NRDE2: variants seen among roughly 807,000 people sequenced by gnomAD.
NRDE2 encodes NRDE-2, necessary for RNA interference, domain containing.
NRDE2 carries 76 observed loss-of-function variants against 124.2 expected under a neutral mutation model. The observed-to-expected ratio is 0.61, with a 90% CI of 0.51 to 0.74. NRDE2 has a LOEUF of 0.74. Among genes scored for constraint, NRDE2 ranks in the 30% least tolerant of loss-of-function variants. NRDE2 has a pLI of 0.00. For synonymous variants in NRDE2, 489 were observed against 528.1 expected, an observed-to-expected ratio of 0.93 and a Z score of 1.01; for missense variants, 1,314 against 1,417.3, an observed-to-expected ratio of 0.93 and a Z score of 1.17.
Position 90,270,583 on chromosome 14 carries a change from G to A in NRDE2, c.*7753C>T. On this transcript the variant is annotated 3_prime_UTR_variant, in exon 14 of 14. Coordinates refer to ENST00000354366, the MANE Select transcript of NRDE2 (RefSeq NM_017970.4). ...CTAAATCACCTGGAGCCACAAGGCT[G>A]AGTCGCTGGTACTAAGCCTTAGGCC... 2.2e-6 allele frequency: 1 copy of A among 450,772 alleles called. No homozygotes were observed. The highest frequency in any genetic ancestry group is 4.3e-5 in the South Asian group (1 of 23,286). The allele number at this position is 450,772 out of a possible 1,614,324, so 27.9% of individuals were successfully genotyped here. A position where few individuals can be genotyped will look rare whatever the true frequency, so the allele number is the denominator to read the frequency against.
chr14:90,268,156 T>TA lies in NRDE2; in HGVS notation c.*10179dup, dbSNP rs1420172060. 1.1e-5 allele frequency: 15 copies of TA among 1,313,448 alleles called. No homozygotes were observed. The highest frequency in any genetic ancestry group is 1.5e-5 in the Non-Finnish European group (15 of 980,648). The allele number at this position is 1,313,448 out of a possible 1,614,324, so 81.4% of individuals were successfully genotyped here. The stretch of plus-strand genomic sequence containing the variant: ...TGGTGTCCATTTAAGGTGGTAATGA[T>TA]ACGAGTTTTTAAGTTAAAATGGCAC... On this transcript the variant is annotated 3_prime_UTR_variant, in exon 14 of 14. Transcript: ENST00000354366.
intron 3 of NRDE2, among the ~76,000 whole-genome samples, chr14:90,315,900 T>G (rs1237894569): frequency 7.2e-6 from 1 of 137,938 alleles, no homozygotes; most frequent in Non-Finnish European, 1.5e-5. Context: ...AAGGTTGTGG[T>G]GAGCTGAGAT....
chr14:90,325,378 A>T (rs1313956600), intron 1 of NRDE2, among the ~76,000 whole-genome samples: 1 of 151,390 alleles, frequency 6.6e-6, no homozygotes. Context: ...GAAAAGCTCC[A>T]GAACTGAAGG....
In NRDE2 at chr14:90,276,035, C is replaced by T. The variant is rs761465100; in HGVS notation, c.*2301G>A. ...CTGTCCCAAACCCGAGGTGGGCCGA[C>T]CCCTGTGGTCTGATGTGATCAGTGA... On this transcript the variant is annotated 3_prime_UTR_variant, in exon 14 of 14. Coordinates refer to ENST00000354366, the MANE Select transcript of NRDE2 (RefSeq NM_017970.4). The T allele has an allele frequency of 1.3e-5, 2 of 152,182 alleles. No homozygotes were observed. Among genetic ancestry groups the T allele is most frequent in the Non-Finnish European group, 2.9e-5 (2 of 68,080 alleles). 9.4% of individuals were successfully genotyped at this position (152,182 alleles called of 1,614,324 possible). A position where few individuals can be genotyped will look rare whatever the true frequency, so the allele number is the denominator to read the frequency against.
chr14:90,316,437 C>T, intron 3 of NRDE2, 141 bp downstream of exon 3: 2 of 623,066 alleles, frequency 3.2e-6, no homozygotes, highest in Non-Finnish European at 5.6e-6. Flanking sequence ...TTCTCCTTCT[C>T]TTTTTTAAGC....
At position 90,271,119 on chromosome 14, in the gene NRDE2, GCA is replaced by G. The variant is rs1337855867; in HGVS notation, c.*7215_*7216del. On this transcript the variant is annotated 3_prime_UTR_variant, in exon 14 of 14. Transcript: ENST00000354366. ...AGCCTTCAAAAAAGTTGCAACAATA[GCA>G]CAGTGATTTGCCAAGAGTTAACATT... 6.6e-6 allele frequency: 1 copy of G among 152,164 alleles called. No individual in the cohort carries two copies. The highest frequency in any genetic ancestry group is 1.5e-5 in the Non-Finnish European group (1 of 68,018). The allele number at this position is 152,164 out of a possible 1,614,324, so 9.4% of individuals were successfully genotyped here.
At position 90,290,533 on chromosome 14, in the gene NRDE2, G is replaced by A; in HGVS notation, c.1917C>T (p.Ala639=). The stretch of plus-strand genomic sequence containing the variant: ...AAGGCACACCCAAGAACTGCAGGAA[G>A]GCCTCCACCAGCTGGAACTGAAGAT... ...SHDLQFQLVE[A]FLQFLGVPSG... is the part of the protein sequence containing the mutation. The change falls in exon 10 of 14, where the codon GCC becomes GCT. Residue 639 remains alanine, a synonymous_variant. Coordinates refer to ENST00000354366, the MANE Select transcript of NRDE2 (RefSeq NM_017970.4). 5.6e-6 allele frequency: 9 copies of A among 1,614,012 alleles called. No individual in the cohort carries two copies. Among genetic ancestry groups the A allele is most frequent in the Non-Finnish European group, 7.6e-6 (9 of 1,179,990 alleles).
chr14:90,298,914 C>T (rs964748954), intron 7 of NRDE2, among the ~76,000 whole-genome samples: 3 of 152,216 alleles, frequency 2.0e-5, no homozygotes, highest in Non-Finnish European at 2.9e-5. Flanking sequence ...AGCTACGTGA[C>T]ACAACCATAT....
In NRDE2 at chr14:90,267,971, A is replaced by G. The variant is rs917074199; in HGVS notation, c.*10365T>C. On this transcript the variant is annotated 3_prime_UTR_variant, in exon 14 of 14. Coordinates refer to ENST00000354366, the MANE Select transcript of NRDE2 (RefSeq NM_017970.4). ...GTCAAGGTTGGAAAATAACCAAGTA[A>G]AAAGTATTTTCTGACGTTATCATAA... 3 of 365,036 alleles carry G rather than the reference A, an allele frequency of 8.2e-6. No homozygotes were observed. Among genetic ancestry groups the G allele is most frequent in the Non-Finnish European group, 1.5e-5 (3 of 204,836 alleles). 22.6% of individuals were successfully genotyped at this position (365,036 alleles called of 1,614,324 possible).
At chr14:90,285,468 AT>A (rs1231661130) in intron 12 of NRDE2, among the ~76,000 whole-genome samples, 3 of 151,534 alleles carry the variant, frequency 2.0e-5, no homozygotes, top group Non-Finnish European at 2.9e-5. Context: ...CACCCAGCTA[AT>A]TTTTGTATTT....
At position 90,298,348 on chromosome 14, in the gene NRDE2, T is replaced by A. The variant is rs1416990528; in HGVS notation, c.1578A>T (p.Gly526=). ...CTCCCTTCTCCCCAGCCCGGGGCTC[T>A]CCACTGTCCCAAAAGGGTTCAAAGA... ...VEFFEPFWDS[G]EPRAGEKGAR... The change falls in exon 8 of 14, where the codon GGA becomes GGT. Residue 526 remains glycine (G), a synonymous_variant. Coordinates refer to ENST00000354366, the MANE Select transcript of NRDE2 (RefSeq NM_017970.4). 1 of 1,613,760 alleles carries A rather than the reference T, an allele frequency of 6.2e-7. No homozygotes were observed. The highest frequency in any genetic ancestry group is 1.7e-5 in the Admixed American group (1 of 60,014).
At chr14:90,312,217 A>C (rs546108289) in intron 4 of NRDE2, among the ~76,000 whole-genome samples, 177 bp downstream of exon 4, 1 of 152,354 alleles carries the variant, frequency 6.6e-6, no homozygotes, top group East Asian at 1.9e-4. Context: ...CTTGACTTCA[A>C]GTGTTAAGCC....
rs531414913 is a variant in NRDE2, at chr14:90,285,460, C to T, written c.3297+894G>A. Among the ~76,000 whole-genome samples the T allele has an allele frequency of 1.1e-3, 160 of 151,662 alleles. 3 individuals are homozygous for T. In the South Asian group the frequency reaches 0.014, roughly 14 times the overall value. ...GGGATTACAGGTGCATACCACCACA[C>T]CCAGCTAATTTTTGTATTTTTAGTA... On this transcript the variant is annotated intron_variant, in intron 12 of 13. Coordinates refer to ENST00000354366, the MANE Select transcript of NRDE2 (RefSeq NM_017970.4).
Position 90,277,983 on chromosome 14 carries a change from G to T in NRDE2, c.*353C>A. 1 of 184,722 alleles carries T rather than the reference G, an allele frequency of 5.4e-6. No individual in the cohort carries two copies. Among genetic ancestry groups the T allele is most frequent in the Non-Finnish European group, 1.2e-5 (1 of 86,768 alleles). The allele number at this position is 184,722 out of a possible 1,614,324, so 11.4% of individuals were successfully genotyped here. ...CTGGCAGGACCACCACGACACCAGC[G>T]GAGGGAACACATTCACCGTGCGGGG... On this transcript the variant is annotated 3_prime_UTR_variant, in exon 14 of 14. Transcript: ENST00000354366.
intron 9 of NRDE2, among the ~76,000 whole-genome samples, chr14:90,292,378 A>G (rs186636241): frequency 1.6e-3 from 239 of 152,330 alleles, no homozygotes; most frequent in Non-Finnish European, 2.0e-3. Flanking sequence ...AGGGCTCCAC[A>G]TGAAAAATTA....
At position 90,277,614 on chromosome 14, in the gene NRDE2, C is replaced by CGGTA. The variant is rs1354537951; in HGVS notation, c.*718_*721dup. ...CTCATGCAGGCAGGGCTGGGGCTGGCGGTACAGCGTGCTCGGCTCCTAGAC... is the reference window on the plus strand; with the variant it reads ...CTCATGCAGGCAGGGCTGGGGCTGGCGGTAGGTACAGCGTGCTCGGCTCCTAGAC... On this transcript the variant is annotated 3_prime_UTR_variant, in exon 14 of 14. Coordinates refer to ENST00000354366, the MANE Select transcript of NRDE2 (RefSeq NM_017970.4). 6.6e-6 allele frequency: 1 copy of CGGTA among 152,372 alleles called. No homozygotes were observed. Among genetic ancestry groups the CGGTA allele is most frequent in the African/African-American group, 2.4e-5 (1 of 41,464 alleles). The allele number at this position is 152,372 out of a possible 1,614,324, so 9.4% of individuals were successfully genotyped here.
intron 2 of NRDE2, 172 bp downstream of exon 2, chr14:90,317,833 G>GAA (rs3215873): frequency 5.3e-3 from 2,569 of 485,014 alleles, no homozygotes; most frequent in South Asian, 7.3e-3. Context: ...GCAAAGCAAA[G>GAA]AAAAAAAAAA....
chr14:90,288,653 T>C lies in NRDE2; in HGVS notation c.2722A>G (p.Lys908Glu), dbSNP rs781679590. 6.2e-6 allele frequency: 10 copies of C among 1,614,170 alleles called. No homozygotes were observed. Among genetic ancestry groups the C allele is most frequent in the Non-Finnish European group, 8.5e-6 (10 of 1,180,044 alleles). Residue 908 changes from lysine (K) to glutamate (E), a missense_variant, in exon 11 of 14, where the codon AAA becomes GAA. Lys to Glu is a moderately conservative substitution (Grantham distance 56, BLOSUM62 1). Coordinates refer to ENST00000354366, the MANE Select transcript of NRDE2 (RefSeq NM_017970.4). ...AAATACTGGAAGAGCATGAAGCATT[T>C]AGCCAGGCTAATTAGGCGGCTACAG... ...DSCSRLISLA[K>E]CFMLFQYLTI...
At chr14:90,313,758 T>C (rs775486118) in intron 3 of NRDE2, among the ~76,000 whole-genome samples, 1 of 152,170 alleles carries the variant, frequency 6.6e-6, no homozygotes, top group Non-Finnish European at 1.5e-5. Context: ...TCTGCCCAGG[T>C]ACAAATAAAG....
Sources: gnomAD v4.1 joint callset for allele counts (sites outside exome capture counted in the v4.1 genomes callset) on GRCh38, gnomAD v4.1.1 for gene constraint, MANE v1.5 for transcripts, NCBI Gene and HGNC (gene_info 2026-07-23, HGNC 2026-07-21) for gene names.